The following TOP1MT variants were observed in gnomAD, a reference collection of about 807,000 sequenced individuals.
TOP1MT encodes DNA topoisomerase I mitochondrial.
A neutral mutation model predicts 73.9 loss-of-function variants in TOP1MT; 80 were observed. The observed-to-expected ratio is 1.08, with a 90% CI of 0.90 to 1.30. The LOEUF is 1.30. TOP1MT is among the 50% of genes most tolerant of loss of function. The probability of loss-of-function intolerance (pLI) is 0.00; values close to 1 mark genes in which losing one functional copy is unlikely to be tolerated. For missense variants in TOP1MT, 815 were observed against 808.0 expected, an observed-to-expected ratio of 1.01 and a Z score of -0.10; for synonymous variants, 338 against 326.4, an observed-to-expected ratio of 1.04 and a Z score of -0.38.
rs113174855 is a variant in TOP1MT at position 143,350,211 on chromosome 8, T to C, written c.-39+5754A>G. 2.0e-3 allele frequency: 304 copies of C among 152,354 alleles called. 1 individual carries two copies. The highest frequency in any genetic ancestry group is 7.0e-3 in the African/African-American group (292 of 41,578). The allele number at this position is 152,354 out of a possible 1,614,324, so 9.4% of individuals were successfully genotyped here. A position where few individuals can be genotyped will look rare whatever the true frequency, so the allele number is the denominator to read the frequency against. On this transcript the variant is annotated intron_variant, in intron 1 of 5. Coordinates refer to the TOP1MT transcript ENST00000518760. ...AGCACATACGCTAAAAGTGGAACAATACAGAGAAGATTCTCATGGCCGCTG... is the reference window on the plus strand; with the variant it reads ...AGCACATACGCTAAAAGTGGAACAACACAGAGAAGATTCTCATGGCCGCTG...
In TOP1MT at chr8:143,325,485, T is replaced by C. The variant is rs1816681941; in HGVS notation, c.532A>G (p.Ile178Val). ...ATTTTTTCTTGGTGACCATCTAAAA[T>C]ACAGTAGCCGAACTCTTGCTGAAGT... is the stretch of plus-strand genomic sequence containing the variant. ...EKLQQEFGYC[I>V]LDGHQEKIGN... is the part of the protein sequence containing the mutation. Residue 178 changes from isoleucine to valine, a missense_variant, in exon 5 of 14, where the codon ATT (isoleucine) becomes GTT (valine). Ile to Val is a conservative substitution (Grantham distance 29). Around this residue, in one of 3 missense-constraint regions of TOP1MT, gnomAD observed 751 missense variants for 725.4 expected, o/e 1.04. Coordinates refer to ENST00000329245, the MANE Select transcript of TOP1MT (RefSeq NM_052963.3). 1 of 1,612,832 alleles carries C rather than the reference T, an allele frequency of 6.2e-7. No homozygotes were observed. Among genetic ancestry groups the C allele is most frequent in the Non-Finnish European group, 8.5e-7 (1 of 1,178,888 alleles).
chr8:143,342,375 TAGAG>T (rs1163624339), intron 2 of TOP1MT, among the ~76,000 whole-genome samples: 1 of 143,436 alleles, frequency 7.0e-6, no homozygotes, highest in Admixed American at 6.7e-5. Context: ...TTATTATTAT[TAGAG>T]ACAGAGCCTC....
intron 7 of TOP1MT, among the ~76,000 whole-genome samples, chr8:143,322,341 G>T (rs530131041): frequency 1.0e-4 from 4 of 38,314 alleles, no homozygotes; most frequent in East Asian, 8.6e-4. Flanking sequence ...CACACACACA[G>T]GCACGCCACA....
intron 4 of TOP1MT, among the ~76,000 whole-genome samples, chr8:143,325,810 G>C (rs1055979554): frequency 4.6e-5 from 7 of 152,164 alleles, no homozygotes; most frequent in African/African-American, 1.4e-4. Flanking sequence ...GCCAGGTGGA[G>C]GGAGCGTGGC....
chr8:143,333,218 G>A (rs1364186865), intron 1 of TOP1MT, among the ~76,000 whole-genome samples: 2 of 152,132 alleles, frequency 1.3e-5, no homozygotes, highest in Non-Finnish European at 2.9e-5. Context: ...AGGCCGAGGC[G>A]GGCGGATCAC....
Position 143,341,071 on chromosome 8 carries a change from G to A in TOP1MT, c.29+2149C>T, listed in dbSNP as rs1817071436. On this transcript the variant is annotated intron_variant, in intron 2 of 5. Coordinates refer to the TOP1MT transcript ENST00000518007. This position sits in a 1 kb window ranked among gnomAD's most constrained non-coding sequence, Gnocchi z 4.1. ...AGCGCGCTCCTCCCCAGCTCCCACG[G>A]CGGCCCCTGCACTCTTCCGCTCCCC... Among the ~76,000 whole-genome samples, 1 of 152,108 alleles carries A rather than the reference G, an allele frequency of 6.6e-6. No individual in the cohort carries two copies. The highest frequency in any genetic ancestry group is 2.4e-5 in the African/African-American group (1 of 41,422).
upstream of TOP1MT, among the ~76,000 whole-genome samples, chr8:143,349,479 T>C (rs761449824): frequency 3.7e-4 from 56 of 152,166 alleles, no homozygotes; most frequent in Non-Finnish European, 6.3e-4. Flanking sequence ...TTAGTGCCAA[T>C]GTGTTTTCTT....
At chr8:143,326,419 G>A (rs889346229) in intron 3 of TOP1MT, 75 bp from the exon 4 acceptor site, 49 of 1,585,706 alleles carry the variant, frequency 3.1e-5, no homozygotes, top group African/African-American at 8.1e-5. Flanking sequence ...CATGTCTGAC[G>A]GACAGAAACG....
chr8:143,315,690 G>T, intron 12 of TOP1MT, 37 bp downstream of exon 12: 3 of 1,569,124 alleles, frequency 1.9e-6, no homozygotes, highest in Non-Finnish European at 2.6e-6. Flanking sequence ...TTGGGACAGG[G>T]CCCCGGGAGA....
chr8:143,322,680 CCA>C (rs1381939237), intron 7 of TOP1MT, among the ~76,000 whole-genome samples: 6 of 94,030 alleles, frequency 6.4e-5, no homozygotes, highest in African/African-American at 1.2e-4. Flanking sequence ...CACACGCACG[CCA>C]CACACGCACG....
chr8:143,349,325 G>GC (rs1441598510), upstream of TOP1MT, among the ~76,000 whole-genome samples: 1 of 50,922 alleles, frequency 2.0e-5, no homozygotes, highest in Non-Finnish European at 3.8e-5. Context: ...CCTGCCCCCT[G>GC]CAAGTCTAGC....
intron 1 of TOP1MT, among the ~76,000 whole-genome samples, chr8:143,354,538 C>G (rs1011778725): frequency 1.3e-5 from 2 of 151,902 alleles, no homozygotes; most frequent in African/African-American, 4.8e-5. Flanking sequence ...CATGGAGAAA[C>G]CCCGTCTCTA....
intron 12 of TOP1MT, among the ~76,000 whole-genome samples, chr8:143,314,657 C>T (rs564617812): frequency 2.6e-5 from 4 of 151,458 alleles, no homozygotes; most frequent in East Asian, 1.9e-4. Context: ...TGGGAAGGCG[C>T]GTCTGAAGCT....
In TOP1MT at chr8:143,310,937, A is replaced by G. The variant is rs527730171; in HGVS notation, c.1554-720T>C. On this transcript the variant is annotated intron_variant, in intron 12 of 13. Transcript: ENST00000329245. ...GCACGCACACACAGTCCTTCTGGAA[A>G]TGCTTAAGAAATTTCTCTTGGCTTT... 2.7e-5 allele frequency among the ~76,000 whole-genome samples: 4 copies of G among 150,380 alleles called. No individual in the cohort carries two copies. In the South Asian group the frequency reaches 6.4e-4, roughly 24 times the overall value.
upstream of TOP1MT, among the ~76,000 whole-genome samples, chr8:143,337,927 C>T (rs927052402): frequency 2.6e-5 from 4 of 152,256 alleles, no homozygotes; most frequent in Non-Finnish European, 4.4e-5. Flanking sequence ...TTCTGATCAC[C>T]GGTGCATGCG....
chr8:143,317,147 C>T (rs1468692336), intron 10 of TOP1MT, among the ~76,000 whole-genome samples: 2 of 152,186 alleles, frequency 1.3e-5, no homozygotes, highest in African/African-American at 4.8e-5. Flanking sequence ...GTGGGAGGCA[C>T]CCTCTGGACA....
chr8:143,355,769 C>T (rs1817397380), intron 1 of TOP1MT, among the ~76,000 whole-genome samples: 1 of 152,184 alleles, frequency 6.6e-6, no homozygotes, highest in African/African-American at 2.4e-5. Flanking sequence ...ACCTGCTCCA[C>T]AGTCCTGTGG....
At chr8:143,345,612 T>C (rs544166650), upstream of TOP1MT, among the ~76,000 whole-genome samples, 1 of 152,374 alleles carries the variant, frequency 6.6e-6, no homozygotes, top group African/African-American at 2.4e-5. Flanking sequence ...AAAATACAGA[T>C]AAGGCTTGCA....
chr8:143,334,907 G>T, upstream of TOP1MT: 2 of 1,362,162 alleles, frequency 1.5e-6, no homozygotes, highest in Non-Finnish European at 1.9e-6. Flanking sequence ...CCGCCCCAGC[G>T]GCCAGCCCCG....
Sources: gnomAD v4.1 joint callset for allele counts (sites outside exome capture counted in the v4.1 genomes callset) on GRCh38, gnomAD v4.1.1 for gene constraint, gnomAD v4.1.1 regional missense constraint, Gnocchi (gnomAD v3.1) non-coding constraint, MANE v1.5 for transcripts, NCBI Gene and HGNC (gene_info 2026-07-23, HGNC 2026-07-21) for gene names.